RIC3: variants seen among roughly 807,000 people sequenced by gnomAD.
RIC3 encodes RIC3 acetylcholine receptor chaperone.
Under a neutral mutation model 27.3 loss-of-function variants are expected in RIC3, and 28 were observed. The observed-to-expected ratio is 1.02, with a 90% CI of 0.76 to 1.41. RIC3 has a LOEUF of 1.41. RIC3 is among the 40% of genes most tolerant of loss of function. The pLI is 0.00. For synonymous variants in RIC3, 184 were observed against 160.4 expected (o/e 1.15, Z -1.11); for missense variants, 501 against 444.7 (o/e 1.13, Z -1.14).
chr11:8,120,668 A>AAGTAT (rs1213268309), intron 5 of RIC3, among the ~76,000 whole-genome samples: 5 of 152,142 alleles, frequency 3.3e-5, no homozygotes, highest in Admixed American at 3.3e-4. Context: ...CTAGAACTTA[A>AAGTAT]AGTATAATAA....
At chr11:8,112,346 T>A (rs1590064573) in intron 5 of RIC3, among the ~76,000 whole-genome samples, 1 of 151,394 alleles carries the variant, frequency 6.6e-6, no homozygotes, top group East Asian at 2.0e-4. Context: ...CAGGCTGGAG[T>A]GCAGTGGTGC....
chr11:8,097,351 C>G, the RIC3 span: 1 of 1,614,068 alleles, frequency 6.2e-7, no homozygotes, highest in Non-Finnish European at 8.5e-7. Flanking sequence ...CCGCATCACT[C>G]GGGACAAGAA....
intron 1 of RIC3, among the ~76,000 whole-genome samples, chr11:8,162,566 G>A (rs67738066): frequency 0.08 from 12,007 of 149,632 alleles, 570 homozygotes; most frequent in African/African-American, 0.12. Context: ...AATTTGGCCC[G>A]TGCCAACTTC....
chr11:8,138,255 T>C lies in RIC3; in HGVS notation c.427+17A>G, dbSNP rs1948633050. 1.9e-6 allele frequency: 3 copies of C among 1,572,444 alleles called. No individual in the cohort carries two copies. Among genetic ancestry groups the C allele is most frequent in the Non-Finnish European group, 2.6e-6 (3 of 1,142,004 alleles). On this transcript the variant is annotated intron_variant, in intron 3 of 5. Coordinates refer to ENST00000309737, the MANE Select transcript of RIC3 (RefSeq NM_001206671.4). The stretch of plus-strand genomic sequence containing the variant: ...GACTCAATAATACCTGTGAATATAC[T>C]GAGAAGGGGCACTTACTAATTTTCC...
Position 8,110,432 on chromosome 11 carries a change from A to C in RIC3, c.*266T>G. ...TCTGTAATTACAATAGACCAAACAT[A>C]ATTACTTAATGGATCAACTTCTCTG... On this transcript the variant is annotated 3_prime_UTR_variant, in exon 6 of 6. Coordinates refer to ENST00000309737, the MANE Select transcript of RIC3 (RefSeq NM_001206671.4). 1 of 543,858 alleles carries C rather than the reference A, an allele frequency of 1.8e-6. No individual in the cohort carries two copies. Among genetic ancestry groups the C allele is most frequent in the South Asian group, 2.0e-5 (1 of 50,342 alleles). The allele number at this position is 543,858 out of a possible 1,614,324, so 33.7% of individuals were successfully genotyped here.
chr11:8,162,270 T>C (rs1951242015), intron 1 of RIC3, among the ~76,000 whole-genome samples: 1 of 152,200 alleles, frequency 6.6e-6, no homozygotes, highest in Non-Finnish European at 1.5e-5. Context: ...CACAAGTCAA[T>C]AAATTCCCTG....
chr11:8,110,986 A>G lies in RIC3; in HGVS notation c.822T>C (p.Asp274=), dbSNP rs757097652. The G allele has an allele frequency of 1.2e-6, 2 of 1,614,138 alleles. No homozygotes were observed. The highest frequency in any genetic ancestry group is 1.7e-6 in the Non-Finnish European group (2 of 1,180,022). Residue 274 remains aspartate (D), a synonymous_variant, in exon 6 of 6, where the codon GAT becomes GAC. Coordinates refer to ENST00000309737, the MANE Select transcript of RIC3 (RefSeq NM_001206671.4). ...TGGGCAGACTTTCCCAACCCAAATG[A>G]TCTGATTCTTCCTCTTCTATCATTC... is the stretch of plus-strand genomic sequence containing the variant. ...RMGMIEEEES[D]HLGWESLPTD... is the part of the protein sequence containing the mutation.
the RIC3 span, chr11:8,098,714 G>A: frequency 6.9e-7 from 1 of 1,440,206 alleles, no homozygotes; most frequent in African/African-American, 1.4e-5. Flanking sequence ...CCTGCTCTGG[G>A]GCAGAGGGTG....
chr11:8,113,212 G>A (rs1412475630), intron 5 of RIC3, among the ~76,000 whole-genome samples: 1 of 152,214 alleles, frequency 6.6e-6, no homozygotes, highest in African/African-American at 2.4e-5. Context: ...GCCACTGAAT[G>A]CTTAAAAGAA....
At chr11:8,160,184 G>A (rs1951045715) in intron 1 of RIC3, among the ~76,000 whole-genome samples, 1 of 152,104 alleles carries the variant, frequency 6.6e-6, no homozygotes, top group African/African-American at 2.4e-5. Flanking sequence ...GCATACTGAA[G>A]CATTTAAGGA....
chr11:8,137,902 A>G (rs1464987190), intron 3 of RIC3, among the ~76,000 whole-genome samples: 1 of 152,114 alleles, frequency 6.6e-6, no homozygotes, highest in Non-Finnish European at 1.5e-5. Flanking sequence ...TCTGATGGCC[A>G]TGTTTCAACA....
chr11:8,151,681 A>C (rs1950247608), intron 1 of RIC3, among the ~76,000 whole-genome samples: 2 of 151,380 alleles, frequency 1.3e-5, no homozygotes, highest in South Asian at 4.2e-4. Context: ...TGGGAGGCTG[A>C]GGTGGGCAGA....
downstream of RIC3, chr11:8,101,612 G>C: frequency 6.2e-7 from 1 of 1,614,222 alleles, no homozygotes; most frequent in Non-Finnish European, 8.5e-7. Flanking sequence ...AAGCTGGCGT[G>C]CGAGTAGAGG....
chr11:8,095,261 A>G, the RIC3 span, among the ~76,000 whole-genome samples: 22 of 152,274 alleles, frequency 1.4e-4, no homozygotes, highest in African/African-American at 5.3e-4. Context: ...GGTGTTGTAA[A>G]CCAACCCTCG....
At chr11:8,096,461 C>T in the RIC3 span, among the ~76,000 whole-genome samples, 5 of 152,108 alleles carry the variant, frequency 3.3e-5, no homozygotes, top group South Asian at 2.1e-4. Flanking sequence ...TGGCCAGCCC[C>T]GGCTCATGTG....
chr11:8,101,197 T>C (rs772924526), downstream of RIC3, among the ~76,000 whole-genome samples: 1 of 152,172 alleles, frequency 6.6e-6, no homozygotes, highest in Non-Finnish European at 1.5e-5. Flanking sequence ...TGGTCCTAGA[T>C]TCTGTGTATT....
At chr11:8,099,940 A>T in the RIC3 span, among the ~76,000 whole-genome samples, 3 of 152,192 alleles carry the variant, frequency 2.0e-5, no homozygotes, top group Admixed American at 6.5e-5. Flanking sequence ...GTGCAGGTGA[A>T]GTCACATCTC....
intron 1 of RIC3, among the ~76,000 whole-genome samples, chr11:8,147,225 T>C (rs955386951): frequency 6.6e-6 from 1 of 152,240 alleles, no homozygotes; most frequent in Non-Finnish European, 1.5e-5. Flanking sequence ...CACATATTGA[T>C]TGATGTCTCA....
chr11:8,117,316 C>T (rs4397840), intron 5 of RIC3, among the ~76,000 whole-genome samples: 38,679 of 152,070 alleles, frequency 0.25, 5,016 homozygotes, highest in East Asian at 0.44. Context: ...CCACCTGCCT[C>T]GGCCTCCCAA....
Sources: allele counts gnomAD v4.1 joint callset (sites outside exome capture counted in the v4.1 genomes callset), GRCh38; gene constraint gnomAD v4.1.1; transcripts MANE v1.5; gene names NCBI Gene and HGNC (gene_info 2026-07-23, HGNC 2026-07-21).